Variants in CAPRIN1 observed in about 807,000 individuals in gnomAD.
The protein encoded by CAPRIN1 is cell cycle associated protein 1.
In CAPRIN1, 29 loss-of-function variants were observed where a neutral mutation model predicts 100.9. The ratio of observed to expected loss-of-function variants is 0.29; its 90% CI spans 0.21 to 0.39. CAPRIN1 has a LOEUF of 0.39. Among genes scored for constraint, CAPRIN1 ranks in the 10% least tolerant of loss-of-function variants. The pLI is 1.00. For missense variants in CAPRIN1, 795 were observed against 876.7 expected (o/e 0.91, Z 1.18); for synonymous variants, 338 against 307.5 (o/e 1.10, Z -1.04).
At chr11:34,076,126 C>T (rs746612606) in intron 4 of CAPRIN1, 110 bp from the exon 5 acceptor site, 10 of 684,324 alleles carry the variant, frequency 1.5e-5, no homozygotes, top group Admixed American at 5.2e-5. Context: ...GTATTGAGGT[C>T]ATATCTCACT....
chr11:34,052,745 G>C (rs935725005), intron 2 of CAPRIN1, 109 bp downstream of exon 2: 36 of 1,426,642 alleles, frequency 2.5e-5, no homozygotes, highest in Non-Finnish European at 3.2e-5. Context: ...AGCGTTACTA[G>C]GTCCCCTCCT....
intron 18 of CAPRIN1, chr11:34,098,662 C>G: frequency 3.0e-6 from 3 of 985,132 alleles, no homozygotes; most frequent in Non-Finnish European, 3.6e-6. Flanking sequence ...ACTGACTTGA[C>G]TAGAAGTATC....
At chr11:34,065,555 A>G (rs75609274) in intron 2 of CAPRIN1, among the ~76,000 whole-genome samples, 2,588 of 152,280 alleles carry the variant, frequency 0.017, 52 homozygotes, top group African/African-American at 0.059. Flanking sequence ...TGGGGCCTAC[A>G]GTTTTAAAAA....
At chr11:34,078,942 C>T (rs1850958202) in intron 6 of CAPRIN1, among the ~76,000 whole-genome samples, 1 of 152,096 alleles carries the variant, frequency 6.6e-6, no homozygotes, top group Non-Finnish European at 1.5e-5. Flanking sequence ...TATTTGATAC[C>T]ACTTCTGTTA....
In CAPRIN1 at chr11:34,089,402, T is replaced by C. The variant is rs1318194355; in HGVS notation, c.1239T>C (p.Ser413=). The C allele has an allele frequency of 6.2e-7, 1 of 1,604,570 alleles. No individual in the cohort carries two copies. Among genetic ancestry groups the C allele is most frequent in the Non-Finnish European group, 8.5e-7 (1 of 1,173,946 alleles). The change falls in exon 12 of 19, where the codon TCT becomes TCC. Residue 413 remains serine, a synonymous_variant. Transcript: ENST00000341394. ...TTTTGGTCACCTTTGCAGTTCATTC[T>C]GAATCTAGACTTGCTCAGCCTAATC... The part of the protein sequence containing the change: ...MPQLVCPPVH[S]ESRLAQPNQV...
intron 2 of CAPRIN1, among the ~76,000 whole-genome samples, chr11:34,059,879 CTTTTT>C (rs570241213): frequency 1.8e-5 from 2 of 109,848 alleles, no homozygotes; most frequent in Non-Finnish European, 3.7e-5. Flanking sequence ...TAGAAGAATA[CTTTTT>C]TTTTTTTTTT....
intron 14 of CAPRIN1, 103 bp downstream of exon 14, chr11:34,090,781 A>G (rs895192433): frequency 3.2e-6 from 3 of 940,170 alleles, no homozygotes; most frequent in Admixed American, 4.5e-5. Flanking sequence ...TTGAGTCTGC[A>G]TCTTTCATTA....
At chr11:34,091,062 T>C (rs975721137) in intron 14 of CAPRIN1, among the ~76,000 whole-genome samples, 34 of 152,242 alleles carry the variant, frequency 2.2e-4, no homozygotes, top group African/African-American at 1.4e-4. Flanking sequence ...TCAGATGTTA[T>C]GCTTTACCTT....
chr11:34,082,522 G>A (rs1041702991), intron 7 of CAPRIN1, among the ~76,000 whole-genome samples: 6 of 152,120 alleles, frequency 3.9e-5, no homozygotes, highest in Non-Finnish European at 7.4e-5. Context: ...TAGGCTCACA[G>A]CAAAACTGAA....
At chr11:34,069,927 A>T (rs1850777207) in intron 2 of CAPRIN1, among the ~76,000 whole-genome samples, 2 of 146,938 alleles carry the variant, frequency 1.4e-5, no homozygotes, top group Admixed American at 6.8e-5. Context: ...AAAAAAAAAG[A>T]AAAAACAAAA....
chr11:34,090,769 G>T, intron 14 of CAPRIN1, 91 bp downstream of exon 14: 1 of 1,092,914 alleles, frequency 9.1e-7, no homozygotes. Context: ...ATTTAACTGT[G>T]CTTGAGTCTG....
chr11:34,052,856 G>T, intron 2 of CAPRIN1: 1 of 1,429,972 alleles, frequency 7.0e-7, no homozygotes, highest in Non-Finnish European at 9.1e-7. Context: ...ACTCGGACGC[G>T]GCACTGTACC....
intron 4 of CAPRIN1, among the ~76,000 whole-genome samples, chr11:34,073,967 G>C (rs1160047452): frequency 1.3e-5 from 2 of 152,052 alleles, no homozygotes; most frequent in Non-Finnish European, 2.9e-5. Flanking sequence ...TCCTCACCTG[G>C]TGGTAGAAGG....
chr11:34,097,115 T>C, intron 16 of CAPRIN1, 81 bp from the exon 17 acceptor site: 2 of 928,490 alleles, frequency 2.2e-6, no homozygotes, highest in South Asian at 1.4e-5. Flanking sequence ...AATTTCTAGT[T>C]CTTCCCGTCT....
intron 14 of CAPRIN1, among the ~76,000 whole-genome samples, chr11:34,090,967 A>G (rs17699883): frequency 0.082 from 12,532 of 152,210 alleles, 529 homozygotes; most frequent in Non-Finnish European, 0.092. Context: ...GAAATAGACT[A>G]ATATAACATC....
chr11:34,076,016 G>C (rs540914907), intron 4 of CAPRIN1, among the ~76,000 whole-genome samples: 1 of 152,242 alleles, frequency 6.6e-6, no homozygotes, highest in East Asian at 1.9e-4. Context: ...TAGTTCAGTA[G>C]TAAAATACCT....
At chr11:34,066,056 T>C (rs1049279077) in intron 2 of CAPRIN1, among the ~76,000 whole-genome samples, 1 of 152,132 alleles carries the variant, frequency 6.6e-6, no homozygotes, top group African/African-American at 2.4e-5. Context: ...TTGAGGCTAC[T>C]CACTGCAGCC....
chr11:34,099,180 CT>C, intron 18 of CAPRIN1, 122 bp from the exon 19 acceptor site: 1 of 1,504,034 alleles, frequency 6.6e-7, no homozygotes, highest in Non-Finnish European at 8.9e-7. Context: ...AAGAATTGAC[CT>C]CTTAAGCCTA....
intron 11 of CAPRIN1, among the ~76,000 whole-genome samples, chr11:34,087,111 T>G (rs1180266732): frequency 5.9e-5 from 9 of 152,284 alleles, no homozygotes; most frequent in African/African-American, 2.2e-4. Flanking sequence ...GTGGACCTTC[T>G]CTCCAGGACT....
Sources: gnomAD v4.1 joint callset for allele counts (sites outside exome capture counted in the v4.1 genomes callset) on GRCh38, gnomAD v4.1.1 for gene constraint, MANE v1.5 for transcripts, NCBI Gene and HGNC (gene_info 2026-07-23, HGNC 2026-07-21) for gene names.